Variants in TAFA2 observed in about 807,000 individuals in gnomAD.
TAFA2 encodes TAFA chemokine like family member 2.
In TAFA2, 7 loss-of-function variants were observed where a neutral mutation model predicts 18.8. The observed-to-expected ratio is 0.37, with a 90% CI of 0.21 to 0.70. The LOEUF (loss-of-function observed/expected upper bound fraction) is 0.70, where lower values mean the gene tolerates loss of function less well. TAFA2 is among the 30% of genes least tolerant of loss of function. The pLI is 0.53. For missense variants in TAFA2, 122 were observed against 158.1 expected, an observed-to-expected ratio of 0.77 and a Z score of 1.23; for synonymous variants, 60 against 54.2, an observed-to-expected ratio of 1.11 and a Z score of -0.47.
chr12:61,872,816 T>G (rs1042906979), intron 1 of TAFA2, among the ~76,000 whole-genome samples: 21 of 152,168 alleles, frequency 1.4e-4, no homozygotes, highest in African/African-American at 4.8e-4. Context: ...CAGAGATTAT[T>G]ATGACCATCC....
chr12:61,824,146 C>T (rs1872438874), intron 2 of TAFA2, among the ~76,000 whole-genome samples: 1 of 152,174 alleles, frequency 6.6e-6, no homozygotes, highest in Non-Finnish European at 1.5e-5. Flanking sequence ...CCTCCAGGAG[C>T]TGAGAGAAAT....
At chr12:61,881,394 T>C (rs943867662) in intron 1 of TAFA2, among the ~76,000 whole-genome samples, 1 of 152,290 alleles carries the variant, frequency 6.6e-6, no homozygotes, top group Non-Finnish European at 1.5e-5. Context: ...CACAAACTTG[T>C]AGGCAACTGT....
chr12:61,931,239 T>A (rs1015752889), intron 1 of TAFA2, among the ~76,000 whole-genome samples: 2 of 152,228 alleles, frequency 1.3e-5, no homozygotes, highest in East Asian at 1.9e-4. Context: ...TCAGCACTCA[T>A]AATTAATCTC....
At chr12:61,809,198 T>C (rs1248197225) in intron 2 of TAFA2, among the ~76,000 whole-genome samples, 3 of 151,612 alleles carry the variant, frequency 2.0e-5, no homozygotes, top group African/African-American at 7.3e-5. Flanking sequence ...GCTTCCTGGA[T>C]CATATCACAG....
At chr12:62,165,767 G>C (rs961501295) in intron 1 of TAFA2, among the ~76,000 whole-genome samples, 2 of 151,880 alleles carry the variant, frequency 1.3e-5, no homozygotes, top group East Asian at 1.9e-4. Flanking sequence ...TCACCACCAA[G>C]GCCAGAACTA....
chr12:61,878,664 C>T (rs991631457), intron 1 of TAFA2, among the ~76,000 whole-genome samples: 1 of 152,202 alleles, frequency 6.6e-6, no homozygotes, highest in East Asian at 1.9e-4. Context: ...GGTTGCTCTG[C>T]ATGATCACAC....
At chr12:62,027,877 C>G (rs957680908) in intron 1 of TAFA2, among the ~76,000 whole-genome samples, 8 of 152,170 alleles carry the variant, frequency 5.3e-5, no homozygotes, top group Non-Finnish European at 1.2e-4. Context: ...TGCTTCTGCT[C>G]TACCAAATCC....
chr12:62,179,689 T>A (rs187734561), intron 1 of TAFA2, among the ~76,000 whole-genome samples: 3 of 152,152 alleles, frequency 2.0e-5, no homozygotes, highest in African/African-American at 7.2e-5. Context: ...TTTCAATGGA[T>A]TTATTCTTTT....
intron 1 of TAFA2, among the ~76,000 whole-genome samples, chr12:62,124,063 C>G (rs1870342426): frequency 6.6e-6 from 1 of 152,092 alleles, no homozygotes; most frequent in African/African-American, 2.4e-5. Context: ...TAACTCAAGA[C>G]AAGTGGTTTT....
At chr12:62,081,721 A>G (rs555187206) in intron 1 of TAFA2, among the ~76,000 whole-genome samples, 9 of 152,006 alleles carry the variant, frequency 5.9e-5, no homozygotes, top group Non-Finnish European at 1.0e-4. Context: ...CTGACCTCAA[A>G]TGATCCGCCC....
intron 4 of TAFA2, among the ~76,000 whole-genome samples, chr12:61,727,056 C>G (rs1870201200): frequency 6.6e-6 from 1 of 152,016 alleles, no homozygotes; most frequent in Admixed American, 6.6e-5. Flanking sequence ...GTTAAGCCAT[C>G]CCTGAATCCC....
chr12:62,030,811 A>G (rs1031221666), intron 1 of TAFA2, among the ~76,000 whole-genome samples: 5 of 152,128 alleles, frequency 3.3e-5, no homozygotes, highest in Non-Finnish European at 5.9e-5. Context: ...GAGGTTAAGG[A>G]CACAATGAAA....
rs187656553 is a variant in TAFA2, at chr12:62,206,802, G to C, written c.-130+51961C>G. 10 of 152,208 alleles carry C rather than the reference G, an allele frequency of 6.6e-5. No individual in the cohort carries two copies. In the East Asian group the frequency reaches 1.9e-3, roughly 29 times the overall value. 9.4% of individuals were successfully genotyped at this position (152,208 alleles called of 1,614,324 possible). On this transcript the variant is annotated intron_variant, in intron 1 of 5. Coordinates refer to the TAFA2 transcript ENST00000551619. ...CCACTAGCAATTTTTATATGGCAGTGGTTATGTCATCTTTGGTGCATGGAC... is the reference window on the plus strand; with the variant it reads ...CCACTAGCAATTTTTATATGGCAGTCGTTATGTCATCTTTGGTGCATGGAC...
At chr12:62,071,522 AT>A (rs746812981) in intron 1 of TAFA2, among the ~76,000 whole-genome samples, 36 of 152,280 alleles carry the variant, frequency 2.4e-4, no homozygotes, top group Non-Finnish European at 3.8e-4. Flanking sequence ...CAGGAGGATT[AT>A]TTGAGGCCAG....
intron 4 of TAFA2, among the ~76,000 whole-genome samples, chr12:61,735,523 C>T (rs762885942): frequency 3.3e-5 from 5 of 151,888 alleles, no homozygotes; most frequent in Non-Finnish European, 7.4e-5. Flanking sequence ...TATTTATTTG[C>T]TTTTTAATTG....
At chr12:61,993,511 T>C (rs1322264333) in intron 1 of TAFA2, among the ~76,000 whole-genome samples, 2 of 152,154 alleles carry the variant, frequency 1.3e-5, no homozygotes, top group Admixed American at 1.3e-4. Context: ...TGTATTACCT[T>C]GAAGACACAC....
chr12:61,995,186 C>T (rs1413206134), intron 1 of TAFA2, among the ~76,000 whole-genome samples: 1 of 152,182 alleles, frequency 6.6e-6, no homozygotes, highest in Non-Finnish European at 1.5e-5. Context: ...CTTCAGTCAT[C>T]TTATGCCACT....
At chr12:61,967,694 A>G (rs757906006) in intron 1 of TAFA2, among the ~76,000 whole-genome samples, 55 of 151,912 alleles carry the variant, frequency 3.6e-4, no homozygotes, top group Non-Finnish European at 5.2e-4. Context: ...AAATATTTCC[A>G]TTCTGAATTT....
At chr12:62,188,752 T>C (rs1281427902) in intron 1 of TAFA2, among the ~76,000 whole-genome samples, 1 of 152,122 alleles carries the variant, frequency 6.6e-6, no homozygotes, top group Non-Finnish European at 1.5e-5. Context: ...ATAAAATAAT[T>C]TTTAAATTTT....
Sources: allele counts gnomAD v4.1 joint callset (sites outside exome capture counted in the v4.1 genomes callset), GRCh38; gene constraint gnomAD v4.1.1; transcripts MANE v1.5; gene names NCBI Gene and HGNC (gene_info 2026-07-23, HGNC 2026-07-21).